Variants in HPSE2 observed in about 807,000 individuals in gnomAD.
HPSE2 encodes the protein heparanase 2 (inactive).
A neutral mutation model predicts 60.5 loss-of-function variants in HPSE2; 38 were observed. That is an observed-to-expected ratio of 0.63 (90% CI 0.48 to 0.82). The LOEUF (loss-of-function observed/expected upper bound fraction) is 0.82, where lower values mean the gene tolerates loss of function less well. HPSE2 is among the 40% of genes least tolerant of loss of function. HPSE2 has a pLI of 0.00. For missense variants in HPSE2, 713 were observed against 740.4 expected, an observed-to-expected ratio of 0.96 and a Z score of 0.43; for synonymous variants, 295 against 293.2, an observed-to-expected ratio of 1.01 and a Z score of -0.06.
intron 3 of HPSE2, among the ~76,000 whole-genome samples, chr10:98,967,206 T>C (rs1031386142): frequency 1.7e-4 from 26 of 152,148 alleles, no homozygotes; most frequent in African/African-American, 5.1e-4. Context: ...TCAGAGGCAA[T>C]AGAATATCCT....
chr10:98,944,375 GT>G (rs2135168014), intron 3 of HPSE2, among the ~76,000 whole-genome samples: 1 of 152,184 alleles, frequency 6.6e-6, no homozygotes, highest in Admixed American at 6.6e-5. Flanking sequence ...TGGGGCTTTA[GT>G]TTTCTTATCT....
At chr10:98,707,219 T>C (rs1461438773) in intron 5 of HPSE2, among the ~76,000 whole-genome samples, 4 of 152,218 alleles carry the variant, frequency 2.6e-5, no homozygotes, top group Non-Finnish European at 5.9e-5. Context: ...GAGAGGACTT[T>C]CAATGCCACT....
chr10:99,194,272 A>G (rs1848318855), intron 2 of HPSE2, among the ~76,000 whole-genome samples: 1 of 151,882 alleles, frequency 6.6e-6, no homozygotes, highest in South Asian at 2.1e-4. Flanking sequence ...CACAGCAAAA[A>G]CAGTACTAAG....
chr10:98,817,335 A>G (rs771356880), intron 3 of HPSE2, among the ~76,000 whole-genome samples: 13 of 152,184 alleles, frequency 8.5e-5, no homozygotes, highest in Non-Finnish European at 1.2e-4. Flanking sequence ...CTAATCTGGA[A>G]CAGTTGACTT....
At chr10:98,465,495 T>C (rs1221344620) in intron 11 of HPSE2, among the ~76,000 whole-genome samples, 3 of 152,194 alleles carry the variant, frequency 2.0e-5, no homozygotes, top group Admixed American at 1.3e-4. Context: ...CCCCAGGAGA[T>C]ACATAGGCCA....
At chr10:98,606,240 T>C (rs1324321688) in intron 9 of HPSE2, among the ~76,000 whole-genome samples, 1 of 152,178 alleles carries the variant, frequency 6.6e-6, no homozygotes, top group African/African-American at 2.4e-5. Context: ...ATCTCAAAAA[T>C]TGAAGCAAGA....
chr10:98,718,465 T>C (rs920496497), intron 5 of HPSE2, among the ~76,000 whole-genome samples: 2 of 152,158 alleles, frequency 1.3e-5, no homozygotes, highest in African/African-American at 2.4e-5. Flanking sequence ...AGGAAGTCAG[T>C]ATATCAAAAA....
At chr10:98,851,444 A>G (rs982173908) in intron 3 of HPSE2, among the ~76,000 whole-genome samples, 5 of 152,222 alleles carry the variant, frequency 3.3e-5, no homozygotes, top group African/African-American at 9.6e-5. Context: ...GGCATTCCTC[A>G]AGAAAATATG....
chr10:98,938,695 G>T lies in HPSE2; in HGVS notation c.611-194639C>A, dbSNP rs377704834. 2.1e-5 allele frequency among the ~76,000 whole-genome samples: 3 copies of T among 143,826 alleles called. 1 individual carries two copies. Among genetic ancestry groups the T allele is most frequent in the African/African-American group, 8.5e-5 (3 of 35,388 alleles). 94.4% of individuals were successfully genotyped at this position (143,826 alleles called of 152,430 possible). ...TGTCCAGGAGAACTTCCCCAATCTA[G>T]CAAGGCACGCCAACATTCAGACTCA... On this transcript the variant is annotated intron_variant, in intron 3 of 11. Transcript: ENST00000370552.
intron 3 of HPSE2, among the ~76,000 whole-genome samples, chr10:98,900,879 T>C (rs962713432): frequency 6.6e-6 from 1 of 152,116 alleles, no homozygotes; most frequent in African/African-American, 2.4e-5. Flanking sequence ...CAAACACATA[T>C]GTACATATAA....
chr10:98,824,089 T>C (rs1345900796), intron 3 of HPSE2, among the ~76,000 whole-genome samples: 6 of 152,144 alleles, frequency 3.9e-5, no homozygotes, highest in East Asian at 1.9e-4. Flanking sequence ...GGTCAAACAA[T>C]AGTTCAAAAG....
intron 9 of HPSE2, among the ~76,000 whole-genome samples, chr10:98,541,505 C>G (rs1436095756): frequency 6.6e-6 from 1 of 152,154 alleles, no homozygotes; most frequent in African/African-American, 2.4e-5. Context: ...CGAGCCGAAT[C>G]AGGGCGAGGC....
intron 2 of HPSE2, among the ~76,000 whole-genome samples, chr10:99,222,421 A>T (rs1035735662): frequency 5.3e-5 from 8 of 152,182 alleles, no homozygotes; most frequent in African/African-American, 1.9e-4. Flanking sequence ...TATGAAGAAA[A>T]GGCTTTCTTG....
At chr10:99,271,460 G>A in the HPSE2 span, among the ~76,000 whole-genome samples, 2 of 152,060 alleles carry the variant, frequency 1.3e-5, no homozygotes, top group Admixed American at 6.6e-5. Flanking sequence ...ACCTCTACAA[G>A]GAAAACTACT....
At chr10:98,891,547 C>T (rs1231889398) in intron 3 of HPSE2, among the ~76,000 whole-genome samples, 1 of 152,012 alleles carries the variant, frequency 6.6e-6, no homozygotes, top group East Asian at 1.9e-4. Flanking sequence ...CTCGTGGAGT[C>T]AAGCAATCTT....
chr10:98,788,651 G>A (rs931400760), intron 3 of HPSE2, among the ~76,000 whole-genome samples: 3 of 152,180 alleles, frequency 2.0e-5, no homozygotes, highest in East Asian at 1.9e-4. Context: ...CTCGTGGTGC[G>A]CTGTTTCTTA....
intron 3 of HPSE2, among the ~76,000 whole-genome samples, chr10:99,084,455 G>T (rs1030964856): frequency 6.6e-6 from 1 of 152,116 alleles, no homozygotes; most frequent in African/African-American, 2.4e-5. Flanking sequence ...GTAGGTCAAA[G>T]TTCCTAAAAG....
chr10:99,072,384 AT>A (rs1842820633), intron 3 of HPSE2, among the ~76,000 whole-genome samples: 1 of 152,084 alleles, frequency 6.6e-6, no homozygotes, highest in Non-Finnish European at 1.5e-5. Flanking sequence ...TGGGAGAAAA[AT>A]TTTCCAATCT....
At chr10:99,214,682 G>C (rs1183020577) in intron 2 of HPSE2, among the ~76,000 whole-genome samples, 1 of 151,902 alleles carries the variant, frequency 6.6e-6, no homozygotes, top group Non-Finnish European at 1.5e-5. Flanking sequence ...GAAAAATTTT[G>C]CAATCTGTCC....
Sources: allele counts gnomAD v4.1 joint callset (sites outside exome capture counted in the v4.1 genomes callset), GRCh38; gene constraint gnomAD v4.1.1; transcripts MANE v1.5; gene names NCBI Gene and HGNC (gene_info 2026-07-23, HGNC 2026-07-21).